SIPA1L3: variants seen among roughly 807,000 people sequenced by gnomAD.
SIPA1L3 encodes signal-induced proliferation-associated 1-like protein 3.
A neutral mutation model predicts 150.1 loss-of-function variants in SIPA1L3; 59 were observed. The ratio of observed to expected loss-of-function variants is 0.39; its 90% CI spans 0.32 to 0.49. The LOEUF is 0.49. SIPA1L3 is among the 20% of genes least tolerant of loss of function. The probability of loss-of-function intolerance (pLI) is 0.86; values close to 1 mark genes in which losing one functional copy is unlikely to be tolerated. For missense variants in SIPA1L3, 2,211 were observed against 2,489.5 expected (o/e 0.89, Z 2.38); for synonymous variants, 1,070 against 1,077.6 (o/e 0.99, Z 0.14).
chr19:38,204,048 C>A, intron 20 of SIPA1L3, 79 bp from the exon 21 acceptor site: 1 of 1,147,690 alleles, frequency 8.7e-7, no homozygotes, highest in South Asian at 1.4e-5. Context: ...CCTGTACCCC[C>A]AGGCTCCTCA....
chr19:38,106,498 G>A (rs750729181), intron 6 of SIPA1L3, 39 bp from the exon 7 acceptor site: 4 of 1,422,600 alleles, frequency 2.8e-6, no homozygotes, highest in Admixed American at 3.3e-5. Context: ...AAACCCAGAG[G>A]TTTTGGAAAC....
At chr19:37,980,851 T>A (rs539658765) in intron 1 of SIPA1L3, among the ~76,000 whole-genome samples, 92 of 152,368 alleles carry the variant, frequency 6.0e-4, no homozygotes, top group African/African-American at 2.1e-3. Context: ...ATTTCTCCTG[T>A]GAGCTGCGCT....
rs149817935 is a variant in SIPA1L3 at position 38,140,965 on chromosome 19, C to T, written c.3144-219C>T. On this transcript the variant is annotated intron_variant, in intron 10 of 21. Coordinates refer to ENST00000222345, the MANE Select transcript of SIPA1L3 (RefSeq NM_015073.3). ...CCCAGCTACTCAGGAGGCTGAGGCA[C>T]GAGAATCGCTTGAACCCAGGAGGCA... 8.5e-3 allele frequency among the ~76,000 whole-genome samples: 1,249 copies of T among 147,004 alleles called. 10 individuals are homozygous for T. Among genetic ancestry groups the T allele is most frequent in the East Asian group, 0.057 (283 of 4,980 alleles).
At chr19:38,041,590 G>T (rs972150173) in intron 2 of SIPA1L3, among the ~76,000 whole-genome samples, 1 of 148,490 alleles carries the variant, frequency 6.7e-6, no homozygotes, top group South Asian at 2.1e-4. Context: ...GCTAATTTTT[G>T]TATTTTTGTT....
intron 1 of SIPA1L3, among the ~76,000 whole-genome samples, chr19:37,916,162 G>A (rs1255345806): frequency 6.6e-6 from 1 of 151,650 alleles, no homozygotes; most frequent in Non-Finnish European, 1.5e-5. Flanking sequence ...CAGTAGCTGG[G>A]ATTACAGGCG....
intron 1 of SIPA1L3, among the ~76,000 whole-genome samples, chr19:37,990,684 T>C (rs1284567726): frequency 6.6e-6 from 1 of 152,218 alleles, no homozygotes; most frequent in Non-Finnish European, 1.5e-5. Flanking sequence ...TGGTTTTTCC[T>C]TGACTTGTAG....
chr19:37,932,758 G>A (rs1020538257), intron 1 of SIPA1L3: 1 of 152,260 alleles, frequency 6.6e-6, no homozygotes, highest in African/African-American at 2.4e-5. Context: ...CTTCCTCTCC[G>A]GAGTTAGACA....
chr19:38,037,927 G>C (rs1346439785), intron 2 of SIPA1L3, among the ~76,000 whole-genome samples: 1 of 152,120 alleles, frequency 6.6e-6, no homozygotes, highest in Non-Finnish European at 1.5e-5. Flanking sequence ...GTCTGTCACG[G>C]TGCCTTCATC....
intron 4 of SIPA1L3, among the ~76,000 whole-genome samples, chr19:38,098,248 C>T (rs377594016): frequency 1.3e-5 from 2 of 152,116 alleles, no homozygotes; most frequent in Non-Finnish European, 2.9e-5. Flanking sequence ...TAAGTCTGGA[C>T]GTAGGCAGCT....
chr19:38,122,746 G>C (rs765259914), intron 9 of SIPA1L3, among the ~76,000 whole-genome samples: 2 of 152,160 alleles, frequency 1.3e-5, no homozygotes, highest in South Asian at 4.1e-4. Flanking sequence ...GGTTTCATGC[G>C]CATGCTAGGG....
chr19:38,139,230 G>A (rs1023264519), intron 10 of SIPA1L3, among the ~76,000 whole-genome samples: 29 of 152,112 alleles, frequency 1.9e-4, no homozygotes, highest in Non-Finnish European at 1.6e-4. Context: ...GTTATCTCTC[G>A]TTGGCCCTGC....
intron 1 of SIPA1L3, among the ~76,000 whole-genome samples, chr19:37,960,173 A>G (rs2046844571): frequency 6.6e-6 from 1 of 151,896 alleles, no homozygotes; most frequent in Admixed American, 6.6e-5. Context: ...AGCCTAAAGG[A>G]TTTATGTAAT....
At chr19:38,176,580 G>A (rs559087823) in intron 15 of SIPA1L3, among the ~76,000 whole-genome samples, 7 of 151,890 alleles carry the variant, frequency 4.6e-5, no homozygotes, top group Non-Finnish European at 7.4e-5. Context: ...CTTTTATTCC[G>A]TACATGTTCC....
chr19:38,002,717 C>CAAAAAAAAA (rs55737969), intron 1 of SIPA1L3, among the ~76,000 whole-genome samples: 2 of 61,420 alleles, frequency 3.3e-5, no homozygotes, highest in African/African-American at 7.1e-5. Flanking sequence ...GACTCCATCT[C>CAAAAAAAAA]AAAAAAAAAA....
rs1336173626 is a variant in SIPA1L3, at chr19:38,113,583, T to C, written c.2291+3199T>C. On this transcript the variant is annotated intron_variant, in intron 8 of 21. Coordinates refer to ENST00000222345, the MANE Select transcript of SIPA1L3 (RefSeq NM_015073.3). ...GAGTGAGCCCCATTGCACTCCAGCC[T>C]GGGTGACAGAGCAAGACTCTCTCAA... 2.6e-5 allele frequency among the ~76,000 whole-genome samples: 4 copies of C among 151,598 alleles called. No homozygotes were observed. The Middle Eastern group carries it at 0.014, about 516-fold the overall frequency.
chr19:38,058,390 C>T (rs1400919900), intron 2 of SIPA1L3, among the ~76,000 whole-genome samples: 1 of 152,120 alleles, frequency 6.6e-6, no homozygotes, highest in Non-Finnish European at 1.5e-5. Context: ...ACACACCTCT[C>T]CCCACTGGGA....
At chr19:38,041,220 C>T (rs1241867379) in intron 2 of SIPA1L3, among the ~76,000 whole-genome samples, 2 of 149,882 alleles carry the variant, frequency 1.3e-5, no homozygotes, top group African/African-American at 2.5e-5. Context: ...AATTCTCCTG[C>T]CTCAGCCTCC....
intron 1 of SIPA1L3, among the ~76,000 whole-genome samples, chr19:38,002,557 A>T (rs572728424): frequency 5.3e-5 from 8 of 151,608 alleles, no homozygotes; most frequent in African/African-American, 1.9e-4. Flanking sequence ...ACATGGTGAA[A>T]CCCTGTCGGT....
intron 12 of SIPA1L3, among the ~76,000 whole-genome samples, chr19:38,144,223 A>C (rs1036358455): frequency 5.9e-5 from 9 of 152,226 alleles, no homozygotes; most frequent in African/African-American, 2.2e-4. Flanking sequence ...TAGCCAGCTA[A>C]GAGTGTGTGT....
Sources: allele counts gnomAD v4.1 joint callset (sites outside exome capture counted in the v4.1 genomes callset), GRCh38; gene constraint gnomAD v4.1.1; transcripts MANE v1.5; gene names NCBI Gene and HGNC (gene_info 2026-07-23, HGNC 2026-07-21).